Variants in ITGAM observed in about 807,000 individuals in gnomAD.
The protein encoded by ITGAM is integrin subunit alpha M.
In ITGAM, 79 loss-of-function variants were observed where a neutral mutation model predicts 137.5. That is an observed-to-expected ratio of 0.57 (90% CI 0.48 to 0.69). The LOEUF (loss-of-function observed/expected upper bound fraction) is 0.69, where lower values mean the gene tolerates loss of function less well. Among genes scored for constraint, ITGAM ranks in the 30% least tolerant of loss-of-function variants. The pLI is 0.00. For missense variants in ITGAM, 1,343 were observed against 1,483.5 expected (o/e 0.91, Z 1.56); for synonymous variants, 583 against 592.3 (o/e 0.98, Z 0.23).
chr16:31,320,809 G>A (rs921581893), intron 14 of ITGAM, among the ~76,000 whole-genome samples: 4 of 152,000 alleles, frequency 2.6e-5, no homozygotes, highest in South Asian at 2.1e-4. Flanking sequence ...TTCTGACTAC[G>A]TAAATGAAAT....
At chr16:31,292,182 G>A (rs1295002032) in intron 12 of ITGAM, among the ~76,000 whole-genome samples, 1 of 151,842 alleles carries the variant, frequency 6.6e-6, no homozygotes, top group East Asian at 1.9e-4. Context: ...ATTTTGAAAA[G>A]AATCTTGATA....
At chr16:31,321,205 C>T (rs1487325911) in intron 14 of ITGAM, 36 bp from the exon 15 acceptor site, 2 of 1,611,312 alleles carry the variant, frequency 1.2e-6, no homozygotes, top group African/African-American at 1.3e-5. Context: ...GTCTTTCCTA[C>T]CCCTTTCTCT....
At chr16:31,261,609 C>T (rs996733513) in intron 1 of ITGAM, 83 bp from the exon 2 acceptor site, 5 of 805,000 alleles carry the variant, frequency 6.2e-6, no homozygotes, top group Non-Finnish European at 1.1e-5. Flanking sequence ...CCTCCTGCCT[C>T]AGCCCTCCAA....
At chr16:31,278,230 G>A in intron 12 of ITGAM, 121 bp downstream of exon 12, 1 of 1,062,804 alleles carries the variant, frequency 9.4e-7, no homozygotes. Context: ...TGGGGGCTGT[G>A]AGCTGGGGAG....
At chr16:31,308,685 T>C (rs932455833) in intron 14 of ITGAM, among the ~76,000 whole-genome samples, 2 of 152,260 alleles carry the variant, frequency 1.3e-5, no homozygotes, top group Non-Finnish European at 2.9e-5. Flanking sequence ...ATTTCTTGCC[T>C]TCTGCTAGCT....
At chr16:31,305,916 G>C (rs1180012829) in intron 14 of ITGAM, among the ~76,000 whole-genome samples, 1 of 151,984 alleles carries the variant, frequency 6.6e-6, no homozygotes, top group Non-Finnish European at 1.5e-5. Context: ...ATATTGTTCT[G>C]TAGTTTTCTT....
At chr16:31,314,269 A>G (rs2080367296) in intron 14 of ITGAM, among the ~76,000 whole-genome samples, 1 of 152,076 alleles carries the variant, frequency 6.6e-6, no homozygotes, top group Admixed American at 6.6e-5. Flanking sequence ...TTTTGTTGCA[A>G]TTGCTTTTGG....
At chr16:31,299,784 G>A (rs370135263) in intron 14 of ITGAM, among the ~76,000 whole-genome samples, 10 of 46,064 alleles carry the variant, frequency 2.2e-4, no homozygotes, top group African/African-American at 3.3e-4. Flanking sequence ...CTCCTCCTCC[G>A]CCTCCCCCTC....
At chr16:31,304,107 C>A (rs1043812916) in intron 14 of ITGAM, among the ~76,000 whole-genome samples, 1 of 152,112 alleles carries the variant, frequency 6.6e-6, no homozygotes, top group African/African-American at 2.4e-5. Flanking sequence ...CCCTTTTCAT[C>A]ACATCCATGC....
chr16:31,270,886 G>A, intron 5 of ITGAM, 68 bp from the exon 6 acceptor site: 1 of 1,164,738 alleles, frequency 8.6e-7, no homozygotes, highest in Non-Finnish European at 1.1e-6. Context: ...GCAGAGGGCT[G>A]ACATGCAAAA....
chr16:31,313,616 T>C (rs1157954812), intron 14 of ITGAM, among the ~76,000 whole-genome samples: 1 of 152,244 alleles, frequency 6.6e-6, no homozygotes, highest in South Asian at 2.1e-4. Flanking sequence ...ATTTTCTTTA[T>C]ACAGTTTATC....
chr16:31,295,800 T>C (rs2080126956), intron 12 of ITGAM, among the ~76,000 whole-genome samples: 1 of 152,032 alleles, frequency 6.6e-6, no homozygotes, highest in Admixed American at 6.6e-5. Flanking sequence ...TTTTTCCTCA[T>C]TTTAGTGGTA....
chr16:31,313,051 C>T (rs2080352546), intron 14 of ITGAM, among the ~76,000 whole-genome samples: 1 of 151,994 alleles, frequency 6.6e-6, no homozygotes, highest in Admixed American at 6.6e-5. Context: ...AACCCCATCT[C>T]TACTAAAAAT....
chr16:31,263,163 A>G (rs1475127735), intron 2 of ITGAM, among the ~76,000 whole-genome samples: 1 of 151,204 alleles, frequency 6.6e-6, no homozygotes, highest in Non-Finnish European at 1.5e-5. Flanking sequence ...TTGGTCTTGA[A>G]CTCCTGAGCT....
chr16:31,315,934 C>A (rs2080386907), intron 14 of ITGAM, among the ~76,000 whole-genome samples: 1 of 151,558 alleles, frequency 6.6e-6, no homozygotes, highest in Non-Finnish European at 1.5e-5. Context: ...GTGGCTCATG[C>A]CTGTAATCTC....
intron 14 of ITGAM, 90 bp downstream of exon 14, chr16:31,298,044 C>T (rs1393086230): frequency 1.9e-5 from 20 of 1,039,552 alleles, no homozygotes; most frequent in Non-Finnish European, 1.9e-5. Context: ...CAGATAAGTT[C>T]TCACAGTACT....
chr16:31,307,272 C>T (rs1051282190), intron 14 of ITGAM, among the ~76,000 whole-genome samples: 6 of 152,134 alleles, frequency 3.9e-5, no homozygotes, highest in African/African-American at 9.7e-5. Flanking sequence ...ATTCTTCCTA[C>T]CCACGAGCAT....
Position 31,330,402 on chromosome 16 carries a change from C to T in ITGAM, c.3155C>T (p.Ser1052Leu), listed in dbSNP as rs745549883. ...AATGCTACCCTCAAAGGCAACCTCT[C>T]GTTTGACTGGTACATCAAGGTGTGT... Reference protein sequence around the residue: ...EFNATLKGNLSFDWYIKTSHN... With the variant: ...EFNATLKGNLLFDWYIKTSHN... The change falls in exon 27 of 30, where the codon TCG becomes TTG. Residue 1052 changes from serine (S) to leucine (L), a missense_variant. Transcript: ENST00000544665. 8 of 1,613,536 alleles carry T rather than the reference C, an allele frequency of 5.0e-6. No homozygotes were observed. Among genetic ancestry groups the T allele is most frequent in the South Asian group, 4.4e-5 (4 of 91,078 alleles).
chr16:31,312,579 A>G (rs893564031), intron 14 of ITGAM, among the ~76,000 whole-genome samples: 1 of 152,026 alleles, frequency 6.6e-6, no homozygotes, highest in African/African-American at 2.4e-5. Context: ...GGTGTATGCC[A>G]CCATACCTGG....
Sources: allele counts gnomAD v4.1 joint callset (sites outside exome capture counted in the v4.1 genomes callset), GRCh38; gene constraint gnomAD v4.1.1; transcripts MANE v1.5; gene names NCBI Gene and HGNC (gene_info 2026-07-23, HGNC 2026-07-21).